PDE10A: variants seen among roughly 807,000 people sequenced by gnomAD.
PDE10A encodes phosphodiesterase 10A, also known as cAMP and cAMP-inhibited cGMP 3',5'-cyclic phosphodiesterase 10A.
In PDE10A, 39 loss-of-function variants were observed where a neutral mutation model predicts 97.7. That is an observed-to-expected ratio of 0.40 (90% CI 0.31 to 0.52). PDE10A has a LOEUF of 0.52. PDE10A is among the 20% of genes least tolerant of loss of function. The probability of loss-of-function intolerance (pLI) is 0.56; values close to 1 mark genes in which losing one functional copy is unlikely to be tolerated. For missense variants in PDE10A, 731 were observed against 1,047.8 expected, an observed-to-expected ratio of 0.70 and a Z score of 4.17; for synonymous variants, 371 against 376.8, an observed-to-expected ratio of 0.98 and a Z score of 0.18.
chr6:165,425,290 TCAA>T (rs1174438335), intron 10 of PDE10A, among the ~76,000 whole-genome samples: 1 of 152,134 alleles, frequency 6.6e-6, no homozygotes, highest in Non-Finnish European at 1.5e-5. Flanking sequence ...GCTGAAGATA[TCAA>T]TTCAAGTTTT....
chr6:165,811,905 G>A lies in PDE10A; in HGVS notation c.-615+175624C>T, dbSNP rs182709558. 2.6e-4 allele frequency among the ~76,000 whole-genome samples: 40 copies of A among 152,178 alleles called. 1 individual carries two copies. The East Asian group carries it at 4.6e-3, about 18-fold the overall frequency. On this transcript the variant is annotated intron_variant, in intron 1 of 19. Transcript: ENST00000366882. The stretch of plus-strand genomic sequence containing the variant: ...GTCTTGCCCTGTCCCCCAGGCTGGA[G>A]TGCAGTGGTGCGATCTCAGCTCACT...
chr6:165,863,935 T>G (rs1273630182), intron 1 of PDE10A, among the ~76,000 whole-genome samples: 1 of 152,172 alleles, frequency 6.6e-6, no homozygotes, highest in Non-Finnish European at 1.5e-5. Flanking sequence ...GTATTAGCAA[T>G]ACTGAGTGTC....
intron 7 of PDE10A, among the ~76,000 whole-genome samples, chr6:165,431,921 A>G (rs1330276234): frequency 6.6e-6 from 1 of 152,198 alleles, no homozygotes; most frequent in Non-Finnish European, 1.5e-5. Context: ...ACTATTGAAA[A>G]GCAATCTAAT....
At chr6:165,611,207 G>T (rs1419507408) in intron 1 of PDE10A, among the ~76,000 whole-genome samples, 1 of 152,070 alleles carries the variant, frequency 6.6e-6, no homozygotes. Context: ...TGGACCTGTG[G>T]CAAACTGTGT....
chr6:165,923,521 G>A (rs902904987), intron 1 of PDE10A, among the ~76,000 whole-genome samples: 5 of 152,194 alleles, frequency 3.3e-5, no homozygotes, highest in African/African-American at 1.2e-4. Context: ...CTGCAGCAGT[G>A]CCCCCTCCTT....
chr6:165,794,114 CAT>C (rs924406771), intron 1 of PDE10A, among the ~76,000 whole-genome samples: 1 of 10,536 alleles, frequency 9.5e-5, no homozygotes, highest in Non-Finnish European at 6.7e-4. Context: ...TCTACGCAGG[CAT>C]ACACACACAC....
intron 1 of PDE10A, among the ~76,000 whole-genome samples, chr6:165,865,454 G>A (rs1562773553): frequency 6.6e-6 from 1 of 151,794 alleles, no homozygotes; most frequent in East Asian, 1.9e-4. Flanking sequence ...CAAAGAAAAG[G>A]AAATCCATGA....
intron 1 of PDE10A, among the ~76,000 whole-genome samples, chr6:165,801,726 T>C (rs755014270): frequency 6.6e-6 from 1 of 152,214 alleles, no homozygotes; most frequent in Non-Finnish European, 1.5e-5. Context: ...TGTAGAGCTA[T>C]ATGGACAATT....
rs992824227 is a variant in PDE10A, at chr6:165,329,919, T to A, written c.*3106A>T. ...AGTACAGCTGGGAAATGGACCAGAG[T>A]CTCTGCCCTATTAATAGGGCTATTT... On this transcript the variant is annotated 3_prime_UTR_variant, in exon 22 of 22. Coordinates refer to ENST00000539869, the MANE Select transcript of PDE10A (RefSeq NM_001385079.1). The A allele has an allele frequency of 6.6e-5, 10 of 152,102 alleles. No homozygotes were observed. Among genetic ancestry groups the A allele is most frequent in the African/African-American group, 2.4e-4 (10 of 41,422 alleles). The allele number at this position is 152,102 out of a possible 1,614,324, so 9.4% of individuals were successfully genotyped here. A position where few individuals can be genotyped will look rare whatever the true frequency, so the allele number is the denominator to read the frequency against.
At chr6:165,778,617 T>C (rs890174570) in intron 1 of PDE10A, among the ~76,000 whole-genome samples, 4 of 152,216 alleles carry the variant, frequency 2.6e-5, no homozygotes, top group African/African-American at 7.2e-5. Context: ...TTTGCTTTAC[T>C]GAATACACAG....
chr6:165,958,022 C>T (rs1257369436), intron 1 of PDE10A, among the ~76,000 whole-genome samples: 2 of 152,204 alleles, frequency 1.3e-5, no homozygotes, highest in African/African-American at 2.4e-5. Flanking sequence ...TCTTTCTCAG[C>T]TTCCATTCCA....
At chr6:165,487,747 G>C (rs1288821078) in intron 2 of PDE10A, among the ~76,000 whole-genome samples, 1 of 151,956 alleles carries the variant, frequency 6.6e-6, no homozygotes, top group East Asian at 1.9e-4. Context: ...CCAGCACAAA[G>C]ACCATTTTCA....
chr6:165,914,320 C>T (rs1283485921), intron 1 of PDE10A, among the ~76,000 whole-genome samples: 1 of 152,234 alleles, frequency 6.6e-6, no homozygotes, highest in Non-Finnish European at 1.5e-5. Flanking sequence ...TAAAGTTGCC[C>T]TCCAAGACTT....
chr6:165,385,158 A>G (rs1009669351), intron 17 of PDE10A, among the ~76,000 whole-genome samples: 1 of 152,200 alleles, frequency 6.6e-6, no homozygotes, highest in Non-Finnish European at 1.5e-5. Context: ...TTGATGAAAC[A>G]TAAAATCAGC....
chr6:165,896,901 C>T (rs1478609041), intron 1 of PDE10A, among the ~76,000 whole-genome samples: 1 of 151,914 alleles, frequency 6.6e-6, no homozygotes, highest in Non-Finnish European at 1.5e-5. Context: ...AACTCCAGAC[C>T]TCAAGTGATC....
intron 1 of PDE10A, among the ~76,000 whole-genome samples, chr6:165,764,551 G>A (rs560124933): frequency 5.9e-4 from 41 of 69,354 alleles, no homozygotes; most frequent in African/African-American, 2.1e-3. Context: ...GGTGTTCGGA[G>A]TTTCTTCTTT....
chr6:165,565,338 A>G (rs921800516), intron 1 of PDE10A, among the ~76,000 whole-genome samples: 3 of 152,326 alleles, frequency 2.0e-5, no homozygotes, highest in Middle Eastern at 3.4e-3. Context: ...TAAAGGCACA[A>G]TATCATTTGC....
intron 10 of PDE10A, among the ~76,000 whole-genome samples, chr6:165,420,925 G>T (rs763318215): frequency 1.3e-5 from 2 of 151,886 alleles, no homozygotes; most frequent in Non-Finnish European, 2.9e-5. Flanking sequence ...AACTGACAAA[G>T]AAACTATAAA....
intron 1 of PDE10A, among the ~76,000 whole-genome samples, chr6:165,867,387 C>A (rs376601654): frequency 2.0e-5 from 3 of 151,394 alleles, no homozygotes; most frequent in Non-Finnish European, 3.0e-5. Flanking sequence ...TTCTATCAGG[C>A]AAAATATACT....
Sources: allele counts gnomAD v4.1 joint callset (sites outside exome capture counted in the v4.1 genomes callset), GRCh38; gene constraint gnomAD v4.1.1; transcripts MANE v1.5; gene names NCBI Gene and HGNC (gene_info 2026-07-23, HGNC 2026-07-21).